The following CNTN4 variants were observed in gnomAD, a reference collection of about 807,000 sequenced individuals.
The protein encoded by CNTN4 is contactin 4.
Under a neutral mutation model 122.5 loss-of-function variants are expected in CNTN4, and 77 were observed. The ratio of observed to expected loss-of-function variants is 0.63; its 90% CI spans 0.52 to 0.76. CNTN4 has a LOEUF of 0.76. Ranked by LOEUF, CNTN4 falls within the 30% of genes least tolerant of loss-of-function variation. The probability of loss-of-function intolerance (pLI) is 0.00; values close to 1 mark genes in which losing one functional copy is unlikely to be tolerated. For synonymous variants in CNTN4, 512 were observed against 447.0 expected (o/e 1.15, Z -1.83); for missense variants, 1,256 against 1,259.1 (o/e 1.00, Z 0.04).
chr3:2,144,731 A>C (rs1328279838), intron 2 of CNTN4, among the ~76,000 whole-genome samples: 2 of 152,262 alleles, frequency 1.3e-5, no homozygotes, highest in Non-Finnish European at 2.9e-5. Flanking sequence ...TGCCCAGCAC[A>C]TAGCAAGTCA....
intron 6 of CNTN4, among the ~76,000 whole-genome samples, chr3:2,798,990 C>T (rs919767632): frequency 2.6e-5 from 4 of 152,170 alleles, no homozygotes; most frequent in Non-Finnish European, 5.9e-5. Context: ...TCTCTGCATC[C>T]TCACCAACAT....
intron 4 of CNTN4, among the ~76,000 whole-genome samples, chr3:2,652,048 T>C (rs2083388137): frequency 6.6e-6 from 1 of 151,746 alleles, no homozygotes; most frequent in Admixed American, 6.6e-5. Flanking sequence ...TAGCCAGGTA[T>C]GGCGGTTCAT....
At chr3:2,356,203 A>T (rs1324408513) in intron 3 of CNTN4, among the ~76,000 whole-genome samples, 2 of 152,166 alleles carry the variant, frequency 1.3e-5, no homozygotes, top group African/African-American at 4.8e-5. Context: ...TGAATTCGAG[A>T]AGAGTCCATA....
chr3:3,026,642 C>G (rs1245620662), intron 15 of CNTN4, among the ~76,000 whole-genome samples: 1 of 152,146 alleles, frequency 6.6e-6, no homozygotes, highest in Admixed American at 6.6e-5. Context: ...ATCCTAGAAT[C>G]TGACCAAGAA....
At chr3:2,833,083 C>T (rs1367348636) in intron 7 of CNTN4, among the ~76,000 whole-genome samples, 5 of 151,988 alleles carry the variant, frequency 3.3e-5, no homozygotes, top group Admixed American at 3.3e-4. Context: ...CAAAGCAAAA[C>T]AAAATAGAAT....
chr3:2,522,146 AGTTTGTGTGTGTGTGTGTGTGT>A (rs2077241725), intron 3 of CNTN4, among the ~76,000 whole-genome samples: 3 of 134,446 alleles, frequency 2.2e-5, no homozygotes, highest in East Asian at 2.0e-4. Context: ...CTGCCTAAGC[AGTTTGTGTGTGTGTGTGTGTGT>A]GTGTGTGTGT....
chr3:2,625,644 C>G (rs2082155900), intron 4 of CNTN4, among the ~76,000 whole-genome samples: 1 of 152,184 alleles, frequency 6.6e-6, no homozygotes, highest in South Asian at 2.1e-4. Context: ...TGAGATTCAT[C>G]CATGCTGCTA....
At chr3:2,718,238 T>G (rs34168150) in intron 4 of CNTN4, among the ~76,000 whole-genome samples, 3 of 149,318 alleles carry the variant, frequency 2.0e-5, no homozygotes, top group African/African-American at 5.0e-5. Context: ...ATTTTCTTGG[T>G]TTTTTTTTTA....
At chr3:3,035,356 G>A (rs138922046) in intron 17 of CNTN4, among the ~76,000 whole-genome samples, 22 of 150,066 alleles carry the variant, frequency 1.5e-4, no homozygotes, top group African/African-American at 5.1e-4. Context: ...TGTATTTTCC[G>A]TAACACACAT....
intron 13 of CNTN4, among the ~76,000 whole-genome samples, chr3:2,961,092 T>G (rs1272354183): frequency 2.1e-5 from 3 of 142,484 alleles, no homozygotes; most frequent in African/African-American, 2.6e-5. Flanking sequence ...TAGCCGGGCG[T>G]GGTGATGGGC....
chr3:2,563,254 A>G (rs936332849), intron 3 of CNTN4, among the ~76,000 whole-genome samples: 3 of 152,160 alleles, frequency 2.0e-5, no homozygotes, highest in African/African-American at 7.2e-5. Flanking sequence ...AGTTTTTGAA[A>G]TCTCATCAAA....
chr3:2,712,362 A>C (rs183211468), intron 4 of CNTN4, among the ~76,000 whole-genome samples: 1 of 152,188 alleles, frequency 6.6e-6, no homozygotes, highest in Admixed American at 6.6e-5. Context: ...AAGTCCAGCA[A>C]TGTGCTAGTT....
intron 4 of CNTN4, among the ~76,000 whole-genome samples, chr3:2,671,973 G>C (rs575036103): frequency 6.6e-6 from 1 of 152,208 alleles, no homozygotes; most frequent in Admixed American, 6.5e-5. Flanking sequence ...CCTTCCTTTG[G>C]AAGTTTTGTC....
chr3:2,897,881 A>G (rs1371653607), intron 10 of CNTN4, among the ~76,000 whole-genome samples: 1 of 152,164 alleles, frequency 6.6e-6, no homozygotes, highest in African/African-American at 2.4e-5. Flanking sequence ...GTTGTAAAAT[A>G]TAGTTGAACC....
chr3:2,673,564 G>A (rs970560695), intron 4 of CNTN4, among the ~76,000 whole-genome samples: 2 of 151,972 alleles, frequency 1.3e-5, no homozygotes, highest in African/African-American at 4.8e-5. Context: ...GTTTCGAGGT[G>A]GTGTCTCATT....
At chr3:2,210,700 T>C (rs1448604313) in intron 2 of CNTN4, among the ~76,000 whole-genome samples, 1 of 152,184 alleles carries the variant, frequency 6.6e-6, no homozygotes, top group Non-Finnish European at 1.5e-5. Flanking sequence ...TGCTTCACTC[T>C]TCTCTATGGT....
At chr3:2,322,014 T>C (rs1484012420) in intron 2 of CNTN4, among the ~76,000 whole-genome samples, 1 of 152,208 alleles carries the variant, frequency 6.6e-6, no homozygotes, top group Non-Finnish European at 1.5e-5. Context: ...ATTTATTTTA[T>C]GTGCTTTGGA....
intron 3 of CNTN4, among the ~76,000 whole-genome samples, chr3:2,359,998 C>T (rs766517008): frequency 3.2e-4 from 49 of 152,260 alleles, no homozygotes; most frequent in Non-Finnish European, 6.2e-4. Context: ...ACAGATTATT[C>T]GTCTTAATCT....
chr3:2,600,008 C>CTT (rs71058630), intron 4 of CNTN4, among the ~76,000 whole-genome samples: 681 of 41,674 alleles, frequency 0.016, 70 homozygotes, highest in Non-Finnish European at 0.022. Context: ...TGGAATTCTT[C>CTT]TTTTTTTTTT....
Sources: allele counts gnomAD v4.1 joint callset (sites outside exome capture counted in the v4.1 genomes callset), GRCh38; gene constraint gnomAD v4.1.1; transcripts MANE v1.5; gene names NCBI Gene and HGNC (gene_info 2026-07-23, HGNC 2026-07-21).